EXOC6B: variants seen among roughly 807,000 people sequenced by gnomAD.
EXOC6B encodes the protein SEC15 homolog B.
EXOC6B carries 54 observed loss-of-function variants against 113.5 expected under a neutral mutation model. The observed-to-expected ratio is 0.48, with a 90% CI of 0.38 to 0.60. The LOEUF (loss-of-function observed/expected upper bound fraction) is 0.60, where lower values mean the gene tolerates loss of function less well. Among genes scored for constraint, EXOC6B ranks in the 20% least tolerant of loss-of-function variants. EXOC6B has a pLI of 0.00. For synonymous variants in EXOC6B, 357 were observed against 339.0 expected, an observed-to-expected ratio of 1.05 and a Z score of -0.58; for missense variants, 797 against 977.5, an observed-to-expected ratio of 0.82 and a Z score of 2.46.
At chr2:72,390,809 C>T (rs1416991033) in intron 18 of EXOC6B, among the ~76,000 whole-genome samples, 2 of 152,110 alleles carry the variant, frequency 1.3e-5, no homozygotes, top group Non-Finnish European at 2.9e-5. Context: ...CATCTGAGTT[C>T]TGGCAATTGT....
chr2:72,224,949 T>C (rs1681122968), intron 20 of EXOC6B, among the ~76,000 whole-genome samples: 1 of 150,804 alleles, frequency 6.6e-6, no homozygotes, highest in African/African-American at 2.4e-5. Context: ...TGTATACATA[T>C]ATTTCTGTAT....
rs1698269590 is a variant in EXOC6B, at chr2:72,469,574, C to T, written c.1801-4235G>A. 2.0e-5 allele frequency among the ~76,000 whole-genome samples: 3 copies of T among 151,876 alleles called. No individual in the cohort carries two copies. In the South Asian group the frequency reaches 6.2e-4, roughly 32 times the overall value. ...TTTATTTTGAAATATGTTGTTTAAT[C>T]TCCAAATAATTTGACATTTTCTATC... On this transcript the variant is annotated intron_variant, in intron 17 of 21. Coordinates refer to ENST00000272427, the MANE Select transcript of EXOC6B (RefSeq NM_015189.3).
In EXOC6B at chr2:72,599,687, G is replaced by C. The variant is rs371111716; in HGVS notation, c.670-24019C>G. On this transcript the variant is annotated intron_variant, in intron 6 of 21. Transcript: ENST00000272427. ...AAAAAAAAAGCCCTCCTAAAACTAA[G>C]TGATTATAGCAAGGCTGCAGGATAG... Among the ~76,000 whole-genome samples the C allele has an allele frequency of 1.5e-4, 23 of 151,892 alleles. 2 individuals are homozygous for C. The highest frequency in any genetic ancestry group is 4.6e-4 in the African/African-American group (19 of 41,446).
rs541924154 is a variant in EXOC6B, at chr2:72,640,542, C to G, written c.670-64874G>C. Among the ~76,000 whole-genome samples, 5 of 152,274 alleles carry G rather than the reference C, an allele frequency of 3.3e-5. No homozygotes were observed. In the East Asian group the frequency reaches 9.7e-4, roughly 29 times the overall value. On this transcript the variant is annotated intron_variant, in intron 6 of 21. Coordinates refer to ENST00000272427, the MANE Select transcript of EXOC6B (RefSeq NM_015189.3). Reference sequence around the variant, plus strand: ...TCAGTAAGACACTTCACAAGAAGATCATGCCCAAGACACATAATCATCAGA... The same window carrying G: ...TCAGTAAGACACTTCACAAGAAGATGATGCCCAAGACACATAATCATCAGA...
At chr2:72,759,411 C>CA (rs1682616674) in intron 1 of EXOC6B, among the ~76,000 whole-genome samples, 1 of 152,272 alleles carries the variant, frequency 6.6e-6, no homozygotes, top group African/African-American at 2.4e-5. Context: ...ATATTGAACT[C>CA]AGAGTCATAA....
chr2:72,815,491 C>CA (rs77713111), intron 1 of EXOC6B, among the ~76,000 whole-genome samples: 1,146 of 93,570 alleles, frequency 0.012, 11 homozygotes, highest in African/African-American at 0.027. Context: ...GACCCTGTTT[C>CA]AAAAAAAAAA....
chr2:72,825,593 G>T lies in EXOC6B; in HGVS notation c.113+205C>A, dbSNP rs1686854522. Among the ~76,000 whole-genome samples, 1 of 152,174 alleles carries T rather than the reference G, an allele frequency of 6.6e-6. No homozygotes were observed. Among genetic ancestry groups the T allele is most frequent in the South Asian group, 2.1e-4 (1 of 4,830 alleles). On this transcript the variant is annotated intron_variant, in intron 1 of 21. Transcript: ENST00000272427. This position sits in a 1 kb window ranked among gnomAD's most constrained non-coding sequence, Gnocchi z 4.4. ...CTGCCCCGAGGGAGGCAGCGGGAGGGTCCTGAGTCACTGGGCTGTAGGGCG... is the reference window on the plus strand; with the variant it reads ...CTGCCCCGAGGGAGGCAGCGGGAGGTTCCTGAGTCACTGGGCTGTAGGGCG...
chr2:72,634,786 T>C (rs918257194), intron 6 of EXOC6B, among the ~76,000 whole-genome samples: 1 of 152,156 alleles, frequency 6.6e-6, no homozygotes, highest in African/African-American at 2.4e-5. Flanking sequence ...GTGCTGTCCT[T>C]ATAACAACAG....
intron 18 of EXOC6B, among the ~76,000 whole-genome samples, chr2:72,419,937 C>T (rs922337671): frequency 2.0e-5 from 3 of 152,164 alleles, no homozygotes; most frequent in Non-Finnish European, 2.9e-5. Flanking sequence ...GCATAATAGT[C>T]GGCTTGAAGG....
chr2:72,496,363 A>G, intron 14 of EXOC6B, 91 bp downstream of exon 14: 1 of 739,606 alleles, frequency 1.4e-6, no homozygotes, highest in Non-Finnish European at 2.4e-6. Flanking sequence ...CCATTGAGTT[A>G]AAGGTAATGC....
intron 20 of EXOC6B, among the ~76,000 whole-genome samples, chr2:72,233,475 A>T (rs6748607): frequency 6.6e-6 from 1 of 151,972 alleles, no homozygotes; most frequent in East Asian, 1.9e-4. Flanking sequence ...AGCCACCTGG[A>T]GGATTCACAC....
intron 18 of EXOC6B, among the ~76,000 whole-genome samples, chr2:72,407,129 TTCC>T (rs1693831706): frequency 6.6e-6 from 1 of 152,162 alleles, no homozygotes; most frequent in African/African-American, 2.4e-5. Context: ...AATGGATAAA[TTCC>T]TCGACACATA....
chr2:72,673,766 A>T (rs1337698245), intron 6 of EXOC6B, among the ~76,000 whole-genome samples: 4 of 149,030 alleles, frequency 2.7e-5, no homozygotes, highest in Admixed American at 6.7e-5. Flanking sequence ...ATTATTTTTT[A>T]TTTTATTTTT....
intron 6 of EXOC6B, among the ~76,000 whole-genome samples, chr2:72,626,515 C>T (rs967287082): frequency 6.6e-6 from 1 of 152,132 alleles, no homozygotes; most frequent in Non-Finnish European, 1.5e-5. Context: ...TCTTATTTAG[C>T]TTTCCTTGAC....
At chr2:72,548,757 C>CT (rs1703042883) in intron 8 of EXOC6B, among the ~76,000 whole-genome samples, 2 of 152,052 alleles carry the variant, frequency 1.3e-5, no homozygotes, top group Non-Finnish European at 2.9e-5. Flanking sequence ...CCTAAAAGAG[C>CT]TTACAATCTA....
intron 8 of EXOC6B, among the ~76,000 whole-genome samples, chr2:72,547,225 T>C (rs1244561422): frequency 2.0e-5 from 3 of 152,224 alleles, no homozygotes; most frequent in African/African-American, 4.8e-5. Context: ...GGGTATTTTA[T>C]AGTCTCCTGT....
At chr2:72,513,046 T>C (rs1263069012) in intron 11 of EXOC6B, 86 bp downstream of exon 11, 1 of 1,469,786 alleles carries the variant, frequency 6.8e-7, no homozygotes. Context: ...TCCAAAGACA[T>C]ACATATGTTG....
intron 6 of EXOC6B, among the ~76,000 whole-genome samples, chr2:72,598,569 G>A (rs1448422844): frequency 6.6e-6 from 1 of 151,920 alleles, no homozygotes; most frequent in Non-Finnish European, 1.5e-5. Flanking sequence ...CGATGAAATT[G>A]AAAATAAGAG....
chr2:72,413,922 C>A (rs889182709), intron 18 of EXOC6B, among the ~76,000 whole-genome samples: 5 of 152,152 alleles, frequency 3.3e-5, no homozygotes, highest in African/African-American at 1.2e-4. Flanking sequence ...TTTTGGCAGA[C>A]CTACAATCTT....
Sources: allele counts gnomAD v4.1 joint callset (sites outside exome capture counted in the v4.1 genomes callset), GRCh38; gene constraint gnomAD v4.1.1; non-coding constraint Gnocchi (gnomAD v3.1); transcripts MANE v1.5; gene names NCBI Gene and HGNC (gene_info 2026-07-23, HGNC 2026-07-21).